CENPM: variants seen among roughly 807,000 people sequenced by gnomAD.
The protein encoded by CENPM is centromere protein M, also known as interphase centromere complex protein 39.
CENPM carries 14 observed loss-of-function variants against 19.6 expected under a neutral mutation model. The observed-to-expected ratio is 0.71, with a 90% CI of 0.47 to 1.11. CENPM has a LOEUF of 1.11. Among genes scored for constraint, CENPM ranks in the 50% most tolerant of loss-of-function variants. The pLI is 0.00. For synonymous variants in CENPM, 114 were observed against 101.5 expected (o/e 1.12, Z -0.74); for missense variants, 239 against 228.4 (o/e 1.05, Z -0.30).
the CENPM span, among the ~76,000 whole-genome samples, chr22:41,927,624 C>T: frequency 1.3e-5 from 2 of 151,890 alleles, no homozygotes; most frequent in Non-Finnish European, 2.9e-5. Flanking sequence ...CTCAGCCTCC[C>T]GAGTAACTGG....
chr22:41,935,353 C>A (rs942280989), downstream of CENPM, among the ~76,000 whole-genome samples: 2 of 152,272 alleles, frequency 1.3e-5, no homozygotes, highest in Admixed American at 6.5e-5. Context: ...ATCAGGCAGG[C>A]TGCATCCACA....
chr22:41,938,139 G>C (rs965070382), downstream of CENPM, among the ~76,000 whole-genome samples: 6 of 96,568 alleles, frequency 6.2e-5, no homozygotes, highest in African/African-American at 2.8e-4. Flanking sequence ...ACCGCGCCCA[G>C]CATTTTTTTT....
downstream of CENPM, among the ~76,000 whole-genome samples, chr22:41,936,607 C>T (rs904889684): frequency 6.6e-6 from 1 of 152,198 alleles, no homozygotes; most frequent in African/African-American, 2.4e-5. Flanking sequence ...AGGGCATGGG[C>T]CCAGCTGCGA....
downstream of CENPM, among the ~76,000 whole-genome samples, chr22:41,934,784 A>G (rs2077677159): frequency 6.6e-6 from 1 of 152,210 alleles, no homozygotes; most frequent in African/African-American, 2.4e-5. Flanking sequence ...GCCGAGGGTG[A>G]GTGACCTGCC....
downstream of CENPM, among the ~76,000 whole-genome samples, chr22:41,938,564 C>T (rs771280879): frequency 2.8e-4 from 43 of 151,760 alleles, no homozygotes; most frequent in Non-Finnish European, 2.9e-4. Flanking sequence ...AGGGATACAC[C>T]ATGTTGGCCA....
chr22:41,934,617 G>C (rs1487162567), downstream of CENPM, among the ~76,000 whole-genome samples: 5 of 152,190 alleles, frequency 3.3e-5, no homozygotes, highest in African/African-American at 1.2e-4. Context: ...TAATGGGCTT[G>C]AGGCCAGCAA....
At chr22:41,944,200 ATC>A (rs1298884744) in intron 4 of CENPM, 1 of 939,012 alleles carries the variant, frequency 1.1e-6, no homozygotes, top group Non-Finnish European at 1.3e-6. Flanking sequence ...TCCCAGCACT[ATC>A]TGAGGCAGGC....
At chr22:41,940,782 C>T (rs2077732419) in intron 5 of CENPM, among the ~76,000 whole-genome samples, 1 of 152,142 alleles carries the variant, frequency 6.6e-6, no homozygotes, top group Non-Finnish European at 1.5e-5. Flanking sequence ...AATAAGTCCT[C>T]TAAGTTTGGT....
At chr22:41,943,977 G>A (rs1344785184) in intron 4 of CENPM, among the ~76,000 whole-genome samples, 2 of 152,162 alleles carry the variant, frequency 1.3e-5, no homozygotes, top group Non-Finnish European at 2.9e-5. Flanking sequence ...AATGCTTCTT[G>A]AGAATTATCT....
At chr22:41,937,882 C>T (rs564147454), downstream of CENPM, among the ~76,000 whole-genome samples, 7 of 151,122 alleles carry the variant, frequency 4.6e-5, no homozygotes, top group South Asian at 2.1e-4. Flanking sequence ...CTCGCTCTGT[C>T]GCCCAGGCTG....
chr22:41,935,446 C>T (rs867921196), downstream of CENPM, among the ~76,000 whole-genome samples: 4 of 152,154 alleles, frequency 2.6e-5, no homozygotes, highest in African/African-American at 4.8e-5. Context: ...TGCAAAGACA[C>T]GCATTCTGGC....
In CENPM at chr22:41,947,101, TC is replaced by T. The variant is rs768239706; in HGVS notation, c.-26del. On this transcript the variant is annotated 5_prime_UTR_variant, in exon 1 of 6. Transcript: ENST00000215980. ...TCACAGCCGCAGGACCAACCGTTGC[TC>T]CTGCGGTGCGCGCCGATCTTTCAAA... The T allele has an allele frequency of 1.2e-6, 2 of 1,611,184 alleles. No homozygotes were observed. Among genetic ancestry groups the T allele is most frequent in the Non-Finnish European group, 1.7e-6 (2 of 1,178,824 alleles).
rs139232803 is a variant in CENPM, at chr22:41,944,435, C to CAAAAA, written c.311-739_311-735dup. Among the ~76,000 whole-genome samples, 216 of 70,170 alleles carry CAAAAA rather than the reference C, an allele frequency of 3.1e-3. 6 individuals are homozygous for CAAAAA. The highest frequency in any genetic ancestry group is 0.011 in the African/African-American group (210 of 18,394). The allele number at this position is 70,170 out of a possible 152,430, so 46.0% of individuals were successfully genotyped here. On this transcript the variant is annotated intron_variant, in intron 4 of 5. Transcript: ENST00000215980. The stretch of plus-strand genomic sequence containing the variant: ...TGGGCGGCTGAGCGAGACTCCGTCT[C>CAAAAA]AAAAAAAAAAAAAAAAAAAAGGGAC...
chr22:41,944,553 CAG>C (rs1165943493), intron 4 of CENPM: 1 of 620,820 alleles, frequency 1.6e-6, no homozygotes, highest in African/African-American at 2.0e-5. Flanking sequence ...GACTGTAAAA[CAG>C]AGGTAATAAC....
chr22:41,944,390 C>T (rs2146613598), intron 4 of CENPM, among the ~76,000 whole-genome samples: 1 of 148,100 alleles, frequency 6.8e-6, no homozygotes, highest in Non-Finnish European at 1.5e-5. Flanking sequence ...GAGCTGAGAT[C>T]ACGCCATAGC....
the CENPM span, among the ~76,000 whole-genome samples, chr22:41,931,154 T>A: frequency 1.7e-4 from 26 of 151,204 alleles, no homozygotes; most frequent in African/African-American, 6.3e-4. Flanking sequence ...CTACTTTTAA[T>A]TCACTGAATA....
chr22:41,930,182 C>T, the CENPM span, among the ~76,000 whole-genome samples: 1 of 150,576 alleles, frequency 6.6e-6, no homozygotes, highest in Non-Finnish European at 1.5e-5. Flanking sequence ...ACCTCGAGAT[C>T]TGCCCGCCTC....
rs1475319638 is a variant in CENPM, at chr22:41,944,164, C to CCGG, written c.311-466_311-464dup. 3.0e-6 allele frequency: 3 copies of CCGG among 985,132 alleles called. No homozygotes were observed. In the African/African-American group the frequency reaches 5.2e-5, roughly 17 times the overall value. 61.0% of individuals were successfully genotyped at this position (985,132 alleles called of 1,614,324 possible). A position where few individuals can be genotyped will look rare whatever the true frequency, so the allele number is the denominator to read the frequency against. ...CCTAGAGTAAACAAAAAGAGGACGG[C>CCGG]CGGGTGCGGTGGCTCAGGCCTGTAA... On this transcript the variant is annotated intron_variant, in intron 4 of 5. Transcript: ENST00000215980.
At chr22:41,930,271 C>T in the CENPM span, among the ~76,000 whole-genome samples, 72 of 151,726 alleles carry the variant, frequency 4.7e-4, no homozygotes, top group African/African-American at 1.6e-3. Flanking sequence ...GCTCTGTCAC[C>T]CAGGCTGGAG....
Sources: allele counts gnomAD v4.1 joint callset (sites outside exome capture counted in the v4.1 genomes callset), GRCh38; gene constraint gnomAD v4.1.1; transcripts MANE v1.5; gene names NCBI Gene and HGNC (gene_info 2026-07-23, HGNC 2026-07-21).